Variants in NOX5 observed in about 807,000 individuals in gnomAD.
NOX5 encodes the protein NADPH oxidase, EF-hand calcium binding domain 5.
A neutral mutation model predicts 85.7 loss-of-function variants in NOX5; 76 were observed. That is an observed-to-expected ratio of 0.89 (90% CI 0.74 to 1.07). The LOEUF (loss-of-function observed/expected upper bound fraction) is 1.07, where lower values mean the gene tolerates loss of function less well. Ranked by LOEUF, NOX5 falls within the 50% of genes least tolerant of loss-of-function variation. The pLI, the probability that NOX5 is intolerant of heterozygous loss-of-function variation, is 0.00. For synonymous variants in NOX5, 405 were observed against 401.4 expected, an observed-to-expected ratio of 1.01 and a Z score of -0.11; for missense variants, 973 against 999.5, an observed-to-expected ratio of 0.97 and a Z score of 0.36.
intron 9 of NOX5, among the ~76,000 whole-genome samples, chr15:69,040,323 G>A (rs892776986): frequency 3.9e-5 from 6 of 152,326 alleles, no homozygotes; most frequent in African/African-American, 1.2e-4. Flanking sequence ...ATCAAAATAT[G>A]TACAGAAGAA....
rs773140817 is a variant in NOX5 at position 69,047,451 on chromosome 15, G to A, written c.1731G>A (p.Arg577=). The change falls in exon 12 of 16, where the codon AGG becomes AGA. Residue 577 remains arginine, a synonymous_variant. Coordinates refer to ENST00000388866, the MANE Select transcript of NOX5 (RefSeq NM_024505.4). ...GGCCTTATGGGACCCCCACCCGCAG[G>A]ATCTTTGCCTCTGAGCATGCCGTGC... The part of the protein sequence containing the change: ...IDGPYGTPTR[R]IFASEHAVLI... 17 of 1,613,822 alleles carry A rather than the reference G, an allele frequency of 1.1e-5. No homozygotes were observed. Among genetic ancestry groups the A allele is most frequent in the Non-Finnish European group, 1.4e-5 (16 of 1,179,974 alleles).
rs896586602 is a variant in NOX5 at position 69,062,002 on chromosome 15, C to G, written c.*5306C>G. Reference sequence around the variant, plus strand: ...CAGTGAATGATTTGTCTCTGTGTCCCCAGTGACTAGAATAGCGTCACCACC... The same window carrying G: ...CAGTGAATGATTTGTCTCTGTGTCCGCAGTGACTAGAATAGCGTCACCACC... On this transcript the variant is annotated 3_prime_UTR_variant, in exon 16 of 16. Coordinates refer to ENST00000388866, the MANE Select transcript of NOX5 (RefSeq NM_024505.4). The G allele has an allele frequency of 7.2e-5, 11 of 152,048 alleles. No homozygotes were observed. The East Asian group carries it at 1.9e-3, about 27-fold the overall frequency. The allele number at this position is 152,048 out of a possible 1,614,324, so 9.4% of individuals were successfully genotyped here.
intron 1 of NOX5, among the ~76,000 whole-genome samples, chr15:69,018,170 A>G (rs1474827546): frequency 6.6e-6 from 1 of 151,884 alleles, no homozygotes; most frequent in Non-Finnish European, 1.5e-5. Context: ...TCCAACTCCC[A>G]TTTGGGTTTC....
Position 69,031,840 on chromosome 15 carries a change from T to C in NOX5, c.620+28T>C, listed in dbSNP as rs375691213. The C allele has an allele frequency of 3.2e-4, 511 of 1,572,570 alleles. 4 individuals carry two copies. Among genetic ancestry groups the C allele is most frequent in the South Asian group, 3.0e-3 (264 of 87,490 alleles). Reference sequence around the variant, plus strand: ...ACGGCCGGGTCTCGGGCATTGGCACTGTCCACGGCGGCGTTAGACTCCTGG... The same window carrying C: ...ACGGCCGGGTCTCGGGCATTGGCACCGTCCACGGCGGCGTTAGACTCCTGG... On this transcript the variant is annotated intron_variant, in intron 4 of 15. Coordinates refer to ENST00000388866, the MANE Select transcript of NOX5 (RefSeq NM_024505.4).
At chr15:69,019,867 T>C (rs1276447975) in intron 1 of NOX5, among the ~76,000 whole-genome samples, 2 of 152,258 alleles carry the variant, frequency 1.3e-5, no homozygotes, top group African/African-American at 4.8e-5. Context: ...GCACTGTTTA[T>C]ATTGGATATT....
chr15:69,047,961 A>G (rs1555437508), intron 13 of NOX5, 50 bp downstream of exon 13: 1 of 1,547,792 alleles, frequency 6.5e-7, no homozygotes, highest in South Asian at 1.1e-5. Context: ...CCCCTGGACA[A>G]CTCCTAAAAT....
chr15:69,024,294 T>C (rs1177343407), intron 1 of NOX5: 1 of 152,186 alleles, frequency 6.6e-6, no homozygotes, highest in Non-Finnish European at 1.5e-5. Flanking sequence ...ACAGCCCTGT[T>C]ACACATGGTT....
At position 69,033,204 on chromosome 15, in the gene NOX5, G is replaced by A. The variant is rs1047131739; in HGVS notation, c.782G>A (p.Arg261Gln). ...TTCGGGCTGGCGGCCAGCGCGCACC[G>A]GGACCTCGGCGCCAGCGTCATGGTG... is the stretch of plus-strand genomic sequence containing the variant. The part of the protein sequence containing the change: ...LLFGLAASAH[R>Q]DLGASVMVAK... Residue 261 changes from arginine to glutamine, a missense_variant, in exon 5 of 16, where the codon CGG becomes CAG. Transcript: ENST00000388866. 1 of 1,596,648 alleles carries A rather than the reference G, an allele frequency of 6.3e-7. No homozygotes were observed. The highest frequency in any genetic ancestry group is 2.2e-5 in the East Asian group (1 of 44,762).
chr15:69,049,309 G>A (rs1247901752), intron 14 of NOX5, among the ~76,000 whole-genome samples: 1 of 151,440 alleles, frequency 6.6e-6, no homozygotes, highest in Non-Finnish European at 1.5e-5. Context: ...CTCCACCTTG[G>A]CCTCCAGAGC....
In NOX5 at chr15:69,033,255, A is replaced by C; in HGVS notation, c.833A>C (p.Asn278Thr). ...MVAKGCGQCL[N>T]FDCSFIAVLM... ...GCCAAGGGCTGCGGCCAGTGCCTCAACTTCGACTGCAGCTTCATCGCGGTA... is the reference window on the plus strand; with the variant it reads ...GCCAAGGGCTGCGGCCAGTGCCTCACCTTCGACTGCAGCTTCATCGCGGTA... The change falls in exon 5 of 16, where the codon AAC becomes ACC. Residue 278 changes from asparagine (N) to threonine (T), a missense_variant. Transcript: ENST00000388866. 1 of 1,595,898 alleles carries C rather than the reference A, an allele frequency of 6.3e-7. No homozygotes were observed. The highest frequency in any genetic ancestry group is 8.5e-7 in the Non-Finnish European group (1 of 1,178,788).
At chr15:69,039,022 T>C in intron 9 of NOX5, 33 bp downstream of exon 9, 1 of 1,612,418 alleles carries the variant, frequency 6.2e-7, no homozygotes, top group Non-Finnish European at 8.5e-7. Flanking sequence ...ACTCTGCACA[T>C]ATTCACTGAG....
intron 12 of NOX5, 96 bp downstream of exon 12, chr15:69,047,633 T>G (rs1004319426): frequency 2.0e-6 from 3 of 1,470,588 alleles, no homozygotes; most frequent in Non-Finnish European, 2.8e-6. Flanking sequence ...TTCCTCTCCT[T>G]TCACCTGTCT....
At chr15:69,032,386 A>G (rs1397606670) in intron 4 of NOX5, among the ~76,000 whole-genome samples, 3 of 151,566 alleles carry the variant, frequency 2.0e-5, no homozygotes, top group African/African-American at 7.3e-5. Flanking sequence ...CCGGTTTTGT[A>G]GTTCATTCTT....
chr15:69,028,460 C>T, intron 3 of NOX5, 95 bp downstream of exon 3: 1 of 1,289,874 alleles, frequency 7.8e-7, no homozygotes, highest in Non-Finnish European at 1.0e-6. Context: ...GAGGTGCCAT[C>T]CCGGCCTCCT....
chr15:69,046,462 C>T (rs1381159028), intron 10 of NOX5, among the ~76,000 whole-genome samples: 6 of 152,356 alleles, frequency 3.9e-5, no homozygotes, highest in Admixed American at 3.3e-4. Flanking sequence ...GAATGCTCTC[C>T]AGTCACACCC....
In NOX5 at chr15:69,060,102, A is replaced by G; in HGVS notation, c.*3406A>G. 6.6e-6 allele frequency: 1 copy of G among 152,316 alleles called. No homozygotes were observed. The highest frequency in any genetic ancestry group is 1.9e-4 in the East Asian group (1 of 5,194). 9.4% of individuals were successfully genotyped at this position (152,316 alleles called of 1,614,324 possible). On this transcript the variant is annotated 3_prime_UTR_variant, in exon 16 of 16. Coordinates refer to ENST00000388866, the MANE Select transcript of NOX5 (RefSeq NM_024505.4). ...CCACTGAACCACTTTGCCAGGTGCC[A>G]TTGCACTGTTCTGTGAGGACAGCGC...
intron 9 of NOX5, 140 bp downstream of exon 9, chr15:69,039,129 G>A: frequency 4.2e-6 from 4 of 963,728 alleles, no homozygotes; most frequent in Non-Finnish European, 6.3e-6. Flanking sequence ...TCTTTGAAGT[G>A]GGAGCAGGCA....
chr15:69,017,935 T>C (rs1353105268), intron 1 of NOX5, among the ~76,000 whole-genome samples: 1 of 152,052 alleles, frequency 6.6e-6, no homozygotes, highest in Admixed American at 6.6e-5. Flanking sequence ...ATGGAAGTGC[T>C]GTCTGAGGGT....
At chr15:69,017,591 C>T (rs2050246859) in intron 1 of NOX5, among the ~76,000 whole-genome samples, 1 of 152,164 alleles carries the variant, frequency 6.6e-6, no homozygotes, top group South Asian at 2.1e-4. Flanking sequence ...GTACAACTTA[C>T]ATGTATTGAT....
Sources: gnomAD v4.1 joint callset for allele counts (sites outside exome capture counted in the v4.1 genomes callset) on GRCh38, gnomAD v4.1.1 for gene constraint, MANE v1.5 for transcripts, NCBI Gene and HGNC (gene_info 2026-07-23, HGNC 2026-07-21) for gene names.